The following ELP6 variants were observed in gnomAD, a reference collection of about 807,000 sequenced individuals.
The protein encoded by ELP6 is elongator complex protein 6.
Under a neutral mutation model 28.1 loss-of-function variants are expected in ELP6, and 23 were observed. The ratio of observed to expected loss-of-function variants is 0.82; its 90% confidence interval spans 0.59 to 1.16. ELP6 has a LOEUF of 1.16. Ranked by LOEUF, ELP6 falls within the 50% of genes most tolerant of loss-of-function variation. ELP6 has a pLI of 0.00. For missense variants in ELP6, 313 were observed against 334.6 expected (o/e 0.94, Z 0.50); for synonymous variants, 132 against 135.8 (o/e 0.97, Z 0.19).
intron 1 of ELP6, 33 bp downstream of exon 1, chr3:47,513,504 T>G: frequency 1.2e-6 from 2 of 1,606,834 alleles, no homozygotes; most frequent in Non-Finnish European, 1.7e-6. Flanking sequence ...CCCTGCCAGG[T>G]CCCGCCCCCT....
chr3:47,498,529 C>A, intron 5 of ELP6, 97 bp from the exon 6 acceptor site: 2 of 1,547,762 alleles, frequency 1.3e-6, no homozygotes, highest in Non-Finnish European at 1.7e-6. Flanking sequence ...CCCTGTACAT[C>A]CTCTCACAGA....
chr3:47,503,715 C>T (rs1255156704), intron 4 of ELP6, among the ~76,000 whole-genome samples: 4 of 151,958 alleles, frequency 2.6e-5, no homozygotes, highest in Non-Finnish European at 4.4e-5. Flanking sequence ...ATGGTGAAAC[C>T]CCGTCTCTAC....
chr3:47,506,259 A>G lies in ELP6; in HGVS notation c.205-1811T>C, dbSNP rs189874051. Among the ~76,000 whole-genome samples the G allele has an allele frequency of 2.0e-4, 30 of 152,330 alleles. 1 individual carries two copies. The highest frequency in any genetic ancestry group is 1.6e-3 in the Admixed American group (24 of 15,292). ...AATGGAGGCAGGGCGAGATCACAGGACTGCAGGACCGGGGCGAAATTAAAA... is the reference window on the plus strand; with the variant it reads ...AATGGAGGCAGGGCGAGATCACAGGGCTGCAGGACCGGGGCGAAATTAAAA... On this transcript the variant is annotated intron_variant, in intron 3 of 6. Coordinates refer to ENST00000296149, the MANE Select transcript of ELP6 (RefSeq NM_001031703.3).
intron 1 of ELP6, chr3:47,513,263 A>G (rs2029941681): frequency 7.6e-7 from 1 of 1,307,872 alleles, no homozygotes. Flanking sequence ...AACTGCTGGG[A>G]TTACAGGGGT....
At chr3:47,504,658 C>G (rs1270248288) in intron 3 of ELP6, 1 of 985,344 alleles carries the variant, frequency 1.0e-6, no homozygotes, top group African/African-American at 1.7e-5. Flanking sequence ...TTAATTGTTA[C>G]ATTAAAAGAA....
intron 3 of ELP6, among the ~76,000 whole-genome samples, chr3:47,509,013 C>T (rs201489909): frequency 6.6e-6 from 1 of 152,112 alleles, no homozygotes; most frequent in Non-Finnish European, 1.5e-5. Flanking sequence ...ATCTGCCCAC[C>T]TCAGCCTCTC....
chr3:47,499,953 T>C (rs1420599698), intron 5 of ELP6: 3 of 1,351,584 alleles, frequency 2.2e-6, no homozygotes, highest in Non-Finnish European at 3.0e-6. Context: ...CGAGTCCTGG[T>C]GGTGTCGGCC....
At chr3:47,499,063 G>A (rs1227111118) in intron 5 of ELP6, among the ~76,000 whole-genome samples, 2 of 152,204 alleles carry the variant, frequency 1.3e-5, no homozygotes, top group African/African-American at 2.4e-5. Context: ...GCTTTCAAAG[G>A]AATACTGTTC....
chr3:47,503,402 C>A, intron 4 of ELP6: 1 of 1,289,658 alleles, frequency 7.8e-7, no homozygotes, highest in Non-Finnish European at 1.0e-6. Flanking sequence ...CAGTCTCAGG[C>A]CTGTGATGTT....
Position 47,501,723 on chromosome 3 carries a change from C to A in ELP6, c.452G>T (p.Ser151Ile). The A allele has an allele frequency of 6.2e-7, 1 of 1,614,054 alleles. No individual in the cohort carries two copies. The highest frequency in any genetic ancestry group is 8.5e-7 in the Non-Finnish European group (1 of 1,180,000). ...LLVDDLSVLL[S>I]LGMGAVAVLD... The stretch of plus-strand genomic sequence containing the variant: ...CACAGCCACCGCCCCCATGCCCAGG[C>A]TCAGGAGCACACTGAGGTCGTCCAC... Residue 151 changes from serine (S) to isoleucine (I), a missense_variant, in exon 5 of 7, where the codon AGC becomes ATC. Physicochemically the swap from Ser to Ile is moderately radical, Grantham distance 142. Coordinates refer to ENST00000296149, the MANE Select transcript of ELP6 (RefSeq NM_001031703.3).
chr3:47,512,865 C>G, intron 1 of ELP6: 1 of 984,886 alleles, frequency 1.0e-6, no homozygotes, highest in Middle Eastern at 5.2e-4. Flanking sequence ...CCCCTCTCCT[C>G]TCGGGCCTAT....
In ELP6 at chr3:47,504,294, C is replaced by T. The variant is rs1317223642; in HGVS notation, c.323+36G>A. ...GAACCCTGCCTGGGCCCACCTGCCACGTGTTGCTTCCGGGCTGGGCTGTAG... is the reference window on the plus strand; with the variant it reads ...GAACCCTGCCTGGGCCCACCTGCCATGTGTTGCTTCCGGGCTGGGCTGTAG... On this transcript the variant is annotated intron_variant, in intron 4 of 6. Coordinates refer to ENST00000296149, the MANE Select transcript of ELP6 (RefSeq NM_001031703.3). 3.9e-6 allele frequency: 6 copies of T among 1,550,418 alleles called. No homozygotes were observed. In the African/African-American group the frequency reaches 5.5e-5, roughly 14 times the overall value.
At chr3:47,512,753 G>A (rs889693970) in intron 1 of ELP6, 1 of 956,570 alleles carries the variant, frequency 1.0e-6, no homozygotes, top group Non-Finnish European at 1.2e-6. Context: ...TCACAAGGAG[G>A]AAGAGTAAGA....
intron 6 of ELP6, chr3:47,498,080 C>T: frequency 2.2e-6 from 3 of 1,391,672 alleles, no homozygotes; most frequent in South Asian, 1.5e-5. Context: ...ACAAATGGGA[C>T]CCCCATGGAA....
chr3:47,509,333 A>G (rs532415739), intron 3 of ELP6, among the ~76,000 whole-genome samples: 2 of 152,324 alleles, frequency 1.3e-5, no homozygotes, highest in South Asian at 4.1e-4. Context: ...TGGCCTGTCC[A>G]AATACAAACC....
In ELP6 at chr3:47,495,837, C is replaced by A; in HGVS notation, c.*232G>T. On this transcript the variant is annotated 3_prime_UTR_variant, in exon 7 of 7. Transcript: ENST00000296149. The stretch of plus-strand genomic sequence containing the variant: ...AAGGACCCCTTTCACTTGGGTCTAG[C>A]ATCCAGCCTCTCTCTCAGCAAAGGC... The A allele has an allele frequency of 3.5e-6, 2 of 574,028 alleles. No individual in the cohort carries two copies. The highest frequency in any genetic ancestry group is 5.6e-6 in the Non-Finnish European group (2 of 356,226). The allele number at this position is 574,028 out of a possible 1,614,324, so 35.6% of individuals were successfully genotyped here.
At chr3:47,496,591 G>A in intron 6 of ELP6, 2 of 730,410 alleles carry the variant, frequency 2.7e-6, no homozygotes, top group Non-Finnish European at 1.7e-6. Flanking sequence ...TGCCTCCTAG[G>A]TTCAGGCAAT....
At chr3:47,503,070 G>T in intron 4 of ELP6, 1 of 1,043,764 alleles carries the variant, frequency 9.6e-7, no homozygotes, top group South Asian at 3.3e-5. Flanking sequence ...ATGCTCCAGG[G>T]ATGAGCCCCT....
At chr3:47,512,508 G>T in intron 1 of ELP6, 1 of 694,752 alleles carries the variant, frequency 1.4e-6, no homozygotes, top group Non-Finnish European at 1.8e-6. Flanking sequence ...CCGAGATCGC[G>T]CCAGTGCACT....
Sources: gnomAD v4.1 joint callset for allele counts (sites outside exome capture counted in the v4.1 genomes callset) on GRCh38, gnomAD v4.1.1 for gene constraint, MANE v1.5 for transcripts, NCBI Gene and HGNC (gene_info 2026-07-23, HGNC 2026-07-21) for gene names.